Variants in EPB41L2 observed in about 807,000 individuals in gnomAD.
The protein encoded by EPB41L2 is erythrocyte membrane protein band 4.1 like 2.
A neutral mutation model predicts 113.0 loss-of-function variants in EPB41L2; 43 were observed. That is an observed-to-expected ratio of 0.38 (90% CI 0.30 to 0.49). EPB41L2 has a LOEUF of 0.49. EPB41L2 is among the 20% of genes least tolerant of loss of function. The pLI, the probability that EPB41L2 is intolerant of heterozygous loss-of-function variation, is 0.95. For synonymous variants in EPB41L2, 442 were observed against 436.7 expected, an observed-to-expected ratio of 1.01 and a Z score of -0.15; for missense variants, 1,147 against 1,223.4, an observed-to-expected ratio of 0.94 and a Z score of 0.93.
chr6:130,916,481 T>A (rs540549008), intron 4 of EPB41L2, among the ~76,000 whole-genome samples: 15 of 152,224 alleles, frequency 9.9e-5, no homozygotes, highest in Non-Finnish European at 2.2e-4. Flanking sequence ...ATTCATAGAA[T>A]ACCAGTGTTA....
intron 1 of EPB41L2, among the ~76,000 whole-genome samples, chr6:130,971,215 T>G (rs1018022809): frequency 1.3e-5 from 2 of 152,186 alleles, no homozygotes; most frequent in Admixed American, 6.5e-5. Context: ...ACATCCTAAC[T>G]AAGCACTTAT....
chr6:130,985,639 T>G (rs1475101993), intron 1 of EPB41L2, among the ~76,000 whole-genome samples: 2 of 152,048 alleles, frequency 1.3e-5, no homozygotes, highest in Non-Finnish European at 2.9e-5. Flanking sequence ...TGAGTAGGAG[T>G]TGGTGACCTG....
chr6:130,936,851 T>A (rs1024892506), intron 3 of EPB41L2, among the ~76,000 whole-genome samples: 2 of 152,218 alleles, frequency 1.3e-5, no homozygotes, highest in African/African-American at 4.8e-5. Context: ...TAAGACCTCC[T>A]ACAGTCTTAA....
intron 1 of EPB41L2, among the ~76,000 whole-genome samples, chr6:131,022,949 AG>A (rs1382073101): frequency 1.3e-5 from 2 of 152,228 alleles, no homozygotes; most frequent in African/African-American, 4.8e-5. Flanking sequence ...CCACAAGGGC[AG>A]GAATTTTTGT....
At chr6:131,017,899 T>C (rs1201942418) in intron 1 of EPB41L2, among the ~76,000 whole-genome samples, 1 of 152,238 alleles carries the variant, frequency 6.6e-6, no homozygotes, top group Non-Finnish European at 1.5e-5. Context: ...TCAGGGTTAT[T>C]GGCCATTTGA....
chr6:131,026,437 G>A (rs1031298619), intron 1 of EPB41L2, among the ~76,000 whole-genome samples: 11 of 152,198 alleles, frequency 7.2e-5, no homozygotes, highest in Non-Finnish European at 2.9e-5. Flanking sequence ...GTTTGTGGGA[G>A]TTGGGTTTTC....
At chr6:130,865,826 A>G in intron 16 of EPB41L2, 192 bp from the exon 17 acceptor site, 1 of 557,130 alleles carries the variant, frequency 1.8e-6, no homozygotes, top group East Asian at 3.0e-5. Flanking sequence ...GCACATGGAG[A>G]AGCAAACTCA....
intron 1 of EPB41L2, among the ~76,000 whole-genome samples, chr6:131,002,416 G>A (rs953075319): frequency 5.9e-5 from 9 of 152,124 alleles, no homozygotes; most frequent in Non-Finnish European, 1.3e-4. Context: ...AACCTAGACC[G>A]CTAACACAGA....
intron 15 of EPB41L2, chr6:130,868,612 C>A (rs1383858345): frequency 2.6e-5 from 4 of 152,164 alleles, no homozygotes; most frequent in Non-Finnish European, 5.9e-5. Context: ...TGGTTAAAAT[C>A]CACTTAATTA....
intron 9 of EPB41L2, among the ~76,000 whole-genome samples, chr6:130,894,733 G>A (rs1430859522): frequency 6.6e-6 from 1 of 151,960 alleles, no homozygotes; most frequent in Non-Finnish European, 1.5e-5. Context: ...AAGAAAAAAC[G>A]AGCCCACACC....
intron 4 of EPB41L2, among the ~76,000 whole-genome samples, chr6:130,924,356 A>G (rs934988666): frequency 6.6e-6 from 1 of 151,558 alleles, no homozygotes; most frequent in Non-Finnish European, 1.5e-5. Context: ...ATATATACTC[A>G]GAAGTGGGAC....
intron 1 of EPB41L2, among the ~76,000 whole-genome samples, chr6:130,984,767 A>G (rs71572950): frequency 0.032 from 4,805 of 152,306 alleles, 91 homozygotes; most frequent in South Asian, 0.061. Flanking sequence ...GAAAATACAT[A>G]CATTCTAGAT....
intron 1 of EPB41L2, among the ~76,000 whole-genome samples, chr6:130,957,252 G>GA (rs1467755185): frequency 6.6e-6 from 1 of 152,070 alleles, no homozygotes; most frequent in African/African-American, 2.4e-5. Flanking sequence ...TTATGAGGTG[G>GA]AAAAAATGCA....
intron 3 of EPB41L2, among the ~76,000 whole-genome samples, chr6:130,928,631 C>T (rs1805621410): frequency 6.6e-6 from 1 of 152,206 alleles, no homozygotes; most frequent in Non-Finnish European, 1.5e-5. Context: ...TAGGAACATG[C>T]CCTCATGGGC....
At chr6:130,954,710 A>AT (rs1421617475) in intron 3 of EPB41L2, among the ~76,000 whole-genome samples, 2 of 152,232 alleles carry the variant, frequency 1.3e-5, no homozygotes, top group African/African-American at 2.4e-5. Context: ...AAGTAAATAA[A>AT]TTAGATGTTA....
intron 1 of EPB41L2, among the ~76,000 whole-genome samples, chr6:131,018,385 G>C (rs1260858328): frequency 6.6e-6 from 1 of 152,110 alleles, no homozygotes; most frequent in Non-Finnish European, 1.5e-5. Context: ...AGATGAGACA[G>C]CTATTTCTAA....
At chr6:130,880,075 G>T in intron 13 of EPB41L2, 69 bp downstream of exon 13, 1 of 1,196,072 alleles carries the variant, frequency 8.4e-7, no homozygotes, top group South Asian at 1.3e-5. Flanking sequence ...AGCCAGCCTA[G>T]GCGTGACCTC....
intron 1 of EPB41L2, among the ~76,000 whole-genome samples, chr6:131,005,794 A>C (rs1188296644): frequency 1.3e-5 from 2 of 152,176 alleles, no homozygotes; most frequent in African/African-American, 4.8e-5. Context: ...ATCCCAACGC[A>C]GTTCACAAAT....
At chr6:130,930,620 C>T (rs987585600) in intron 3 of EPB41L2, among the ~76,000 whole-genome samples, 17 of 152,040 alleles carry the variant, frequency 1.1e-4, no homozygotes, top group African/African-American at 3.9e-4. Context: ...AAAGATAATC[C>T]AGTTTAAACT....
Sources: gnomAD v4.1 joint callset for allele counts (sites outside exome capture counted in the v4.1 genomes callset) on GRCh38, gnomAD v4.1.1 for gene constraint, MANE v1.5 for transcripts, NCBI Gene and HGNC (gene_info 2026-07-23, HGNC 2026-07-21) for gene names.